Variants in NXN observed in about 807,000 individuals in gnomAD.
The protein encoded by NXN is nucleoredoxin 1.
NXN carries 16 observed loss-of-function variants against 48.6 expected under a neutral mutation model. The ratio of observed to expected loss-of-function variants is 0.33; its 90% CI spans 0.22 to 0.50. The LOEUF is 0.50. Ranked by LOEUF, NXN falls within the 20% of genes least tolerant of loss-of-function variation. The pLI is 0.98. For synonymous variants in NXN, 281 were observed against 269.6 expected (o/e 1.04, Z -0.41); for missense variants, 492 against 605.5 (o/e 0.81, Z 1.97).
At chr17:934,399 T>C (rs1197035649) in intron 1 of NXN, among the ~76,000 whole-genome samples, 1 of 148,646 alleles carries the variant, frequency 6.7e-6, no homozygotes, top group Non-Finnish European at 1.5e-5. Context: ...TGAGCCGAGA[T>C]AGCACCACTG....
At chr17:948,270 G>A (rs775588762) in intron 1 of NXN, among the ~76,000 whole-genome samples, 1 of 151,954 alleles carries the variant, frequency 6.6e-6, no homozygotes, top group Non-Finnish European at 1.5e-5. Context: ...ATGATCACAC[G>A]TTGTATGCCT....
At chr17:858,310 C>T (rs1297336623) in intron 1 of NXN, among the ~76,000 whole-genome samples, 1 of 152,026 alleles carries the variant, frequency 6.6e-6, no homozygotes, top group Non-Finnish European at 1.5e-5. Context: ...TGAGCCACCA[C>T]GTCCAGCCTA....
At chr17:916,821 C>T (rs1316443531) in intron 1 of NXN, among the ~76,000 whole-genome samples, 1 of 152,106 alleles carries the variant, frequency 6.6e-6, no homozygotes, top group Non-Finnish European at 1.5e-5. Context: ...TCACTTGAAC[C>T]CGGGAGGTGG....
chr17:954,208 T>C (rs970221792), intron 1 of NXN, among the ~76,000 whole-genome samples: 19 of 151,808 alleles, frequency 1.3e-4, no homozygotes, highest in African/African-American at 4.6e-4. Flanking sequence ...TGAACTTCCA[T>C]CTCTACTAAA....
Position 956,486 on chromosome 17 carries a change from TCACTGCAACCTC to T in NXN, c.360+22821_360+22832del. ...TGGAGTGCAACGGCACAACCTCAGC[TCACTGCAACCTC>T]CACCTCCCGGGTTCCCGCCATTCTC... On this transcript the variant is annotated intron_variant, in intron 1 of 7. Coordinates refer to ENST00000336868, the MANE Select transcript of NXN (RefSeq NM_022463.5). The surrounding 1 kb of genome is among the most constrained non-coding windows in gnomAD (Gnocchi z 4.1). Among the ~76,000 whole-genome samples the T allele has an allele frequency of 6.6e-6, 1 of 152,292 alleles. No individual in the cohort carries two copies. The highest frequency in any genetic ancestry group is 1.9e-4 in the East Asian group (1 of 5,182).
chr17:813,092 A>G (rs1363333647), intron 5 of NXN, among the ~76,000 whole-genome samples: 5 of 152,262 alleles, frequency 3.3e-5, no homozygotes, highest in African/African-American at 1.2e-4. Context: ...ACTGAATGAC[A>G]CTGGAAGCCG....
intron 1 of NXN, among the ~76,000 whole-genome samples, chr17:880,817 C>T (rs549740893): frequency 3.6e-4 from 55 of 152,060 alleles, no homozygotes; most frequent in African/African-American, 1.2e-3. Flanking sequence ...AAGCTGACTG[C>T]GAAGGACAGA....
chr17:877,730 C>T (rs2144825081), intron 1 of NXN, among the ~76,000 whole-genome samples: 1 of 152,330 alleles, frequency 6.6e-6, no homozygotes, highest in East Asian at 1.9e-4. Context: ...TTTTTACCAT[C>T]TAACCTTGTG....
In NXN at chr17:946,488, C is replaced by T. The variant is rs569764134; in HGVS notation, c.360+32831G>A. On this transcript the variant is annotated intron_variant, in intron 1 of 7. Transcript: ENST00000336868. Reference sequence around the variant, plus strand: ...GGCCAAAGGCTGTCTCTTCTAATTACTGAGGTTTTAGAACCATTTTCCTCA... The same window carrying T: ...GGCCAAAGGCTGTCTCTTCTAATTATTGAGGTTTTAGAACCATTTTCCTCA... 2.6e-5 allele frequency among the ~76,000 whole-genome samples: 4 copies of T among 152,312 alleles called. No individual in the cohort carries two copies. The South Asian group carries it at 6.2e-4, about 24-fold the overall frequency.
chr17:845,486 C>T (rs2067850463), intron 1 of NXN, among the ~76,000 whole-genome samples: 1 of 152,220 alleles, frequency 6.6e-6, no homozygotes, highest in Non-Finnish European at 1.5e-5. Context: ...CTTCTAGAAT[C>T]CTACCATCAT....
chr17:917,965 T>TA lies in NXN; in HGVS notation c.360+61353dup, dbSNP rs2068705538. On this transcript the variant is annotated intron_variant, in intron 1 of 7. Transcript: ENST00000336868. This position sits in a 1 kb window ranked among gnomAD's most constrained non-coding sequence, Gnocchi z 4.5. The stretch of plus-strand genomic sequence containing the variant: ...TAAAATGTTTACTGAGCTCGTACTT[T>TA]ATGGAAGACACATGGCTCACGGCAG... Among the ~76,000 whole-genome samples, 1 of 152,186 alleles carries TA rather than the reference T, an allele frequency of 6.6e-6. No homozygotes were observed. The highest frequency in any genetic ancestry group is 2.4e-5 in the African/African-American group (1 of 41,442).
chr17:936,378 G>A (rs1306195463), intron 1 of NXN, among the ~76,000 whole-genome samples: 2 of 152,048 alleles, frequency 1.3e-5, no homozygotes, highest in African/African-American at 4.8e-5. Context: ...GTGCCCTGGT[G>A]AGTGTCCACG....
intron 1 of NXN, among the ~76,000 whole-genome samples, chr17:884,838 T>A (rs2068325346): frequency 6.6e-6 from 1 of 152,216 alleles, no homozygotes; most frequent in Non-Finnish European, 1.5e-5. Context: ...AACATGTTTC[T>A]AGAATGTGAA....
At chr17:955,067 G>A (rs1393179674) in intron 1 of NXN, among the ~76,000 whole-genome samples, 1 of 152,108 alleles carries the variant, frequency 6.6e-6, no homozygotes, top group Non-Finnish European at 1.5e-5. Flanking sequence ...CCCGCGACGG[G>A]GAGAGTGGTC....
At chr17:890,532 G>A (rs924814521) in intron 1 of NXN, among the ~76,000 whole-genome samples, 5 of 142,936 alleles carry the variant, frequency 3.5e-5, no homozygotes, top group Non-Finnish European at 7.7e-5. Context: ...CCACCAGCAC[G>A]CCCGGCTAAT....
chr17:908,584 G>A (rs1293730336), intron 1 of NXN, among the ~76,000 whole-genome samples: 2 of 151,912 alleles, frequency 1.3e-5, no homozygotes, highest in Non-Finnish European at 2.9e-5. Flanking sequence ...TTTTTGGACC[G>A]AAGCCATTAT....
chr17:895,349 T>C (rs1416273503), intron 1 of NXN, among the ~76,000 whole-genome samples: 1 of 151,414 alleles, frequency 6.6e-6, no homozygotes, highest in Non-Finnish European at 1.5e-5. Context: ...TCTTCTCTAA[T>C]GGAGAGAGGA....
Position 966,527 on chromosome 17 carries a change from A to G in NXN, c.360+12792T>C, listed in dbSNP as rs184038912. 3.0e-3 allele frequency among the ~76,000 whole-genome samples: 448 copies of G among 151,376 alleles called. 3 individuals carry two copies. The highest frequency in any genetic ancestry group is 9.8e-3 in the African/African-American group (403 of 41,240). ...CACGCCCGGCTAATTTTGTATTTTTAGTAGAGACGGGGTTTCTCCATGTTG... is the reference window on the plus strand; with the variant it reads ...CACGCCCGGCTAATTTTGTATTTTTGGTAGAGACGGGGTTTCTCCATGTTG... On this transcript the variant is annotated intron_variant, in intron 1 of 7. Transcript: ENST00000336868.
At position 936,615 on chromosome 17, in the gene NXN, T is replaced by A. The variant is rs181495194; in HGVS notation, c.360+42704A>T. 7.3e-5 allele frequency among the ~76,000 whole-genome samples: 11 copies of A among 151,324 alleles called. No individual in the cohort carries two copies. The East Asian group carries it at 2.1e-3, about 29-fold the overall frequency. On this transcript the variant is annotated intron_variant, in intron 1 of 7. Transcript: ENST00000336868. ...GAGGTGTGTCGGCCTGCCTCAGGTCTGGGGTGCCCAATTCTGGTTGTGCAA... is the reference window on the plus strand; with the variant it reads ...GAGGTGTGTCGGCCTGCCTCAGGTCAGGGGTGCCCAATTCTGGTTGTGCAA...
Sources: gnomAD v4.1 joint callset for allele counts (sites outside exome capture counted in the v4.1 genomes callset) on GRCh38, gnomAD v4.1.1 for gene constraint, Gnocchi (gnomAD v3.1) non-coding constraint, MANE v1.5 for transcripts, NCBI Gene and HGNC (gene_info 2026-07-23, HGNC 2026-07-21) for gene names.